Variants in LIN28B observed in about 807,000 individuals in gnomAD.
The protein encoded by LIN28B is lin-28 RNA binding posttranscriptional regulator B.
LIN28B carries 5 observed loss-of-function variants against 21.9 expected under a neutral mutation model. That is an observed-to-expected ratio of 0.23 (90% CI 0.12 to 0.48). LIN28B has a LOEUF of 0.48. Among genes scored for constraint, LIN28B ranks in the 20% least tolerant of loss-of-function variants. The probability of loss-of-function intolerance (pLI) is 0.98; values close to 1 mark genes in which losing one functional copy is unlikely to be tolerated. For synonymous variants in LIN28B, 109 were observed against 111.3 expected (o/e 0.98, Z 0.13); for missense variants, 245 against 310.5 (o/e 0.79, Z 1.58).
intron 2 of LIN28B, among the ~76,000 whole-genome samples, chr6:105,007,464 A>G (rs1770840806): frequency 6.6e-6 from 1 of 152,008 alleles, no homozygotes; most frequent in South Asian, 2.1e-4. Flanking sequence ...AAATGACCAG[A>G]TTCCTTTGCT....
chr6:104,941,653 G>A (rs1562557226), intron 2 of LIN28B, among the ~76,000 whole-genome samples: 1 of 152,052 alleles, frequency 6.6e-6, no homozygotes, highest in Non-Finnish European at 1.5e-5. Context: ...GTCGGGGATC[G>A]TTTTTGCTTT....
At chr6:105,028,433 A>G (rs776912917) in intron 3 of LIN28B, among the ~76,000 whole-genome samples, 2 of 152,208 alleles carry the variant, frequency 1.3e-5, no homozygotes, top group Non-Finnish European at 2.9e-5. Context: ...AGAAGTTCCA[A>G]TAATACAGAA....
intron 2 of LIN28B, among the ~76,000 whole-genome samples, chr6:104,963,769 G>A (rs1444842085): frequency 6.6e-6 from 1 of 152,120 alleles, no homozygotes; most frequent in Non-Finnish European, 1.5e-5. Flanking sequence ...GTTTATATTA[G>A]TGTTAGCCTT....
intron 2 of LIN28B, among the ~76,000 whole-genome samples, chr6:105,006,558 C>T (rs529682393): frequency 2.0e-5 from 3 of 152,284 alleles, no homozygotes; most frequent in South Asian, 4.2e-4. Context: ...TTGATCCACC[C>T]GTCTTGGCCT....
intron 3 of LIN28B, among the ~76,000 whole-genome samples, chr6:105,059,602 G>C (rs1772087290): frequency 6.6e-6 from 1 of 152,180 alleles, no homozygotes; most frequent in Non-Finnish European, 1.5e-5. Flanking sequence ...AAATTGATTA[G>C]ATAAAGGGAA....
At chr6:104,972,542 A>G (rs974981482) in intron 2 of LIN28B, among the ~76,000 whole-genome samples, 1 of 152,190 alleles carries the variant, frequency 6.6e-6, no homozygotes, top group Non-Finnish European at 1.5e-5. Context: ...TGTTTTGTCA[A>G]AAATACAAGG....
chr6:104,993,019 A>G (rs541849094), intron 2 of LIN28B, among the ~76,000 whole-genome samples: 1 of 152,260 alleles, frequency 6.6e-6, no homozygotes, highest in East Asian at 1.9e-4. Context: ...ATCAACCTTC[A>G]TACATGATTT....
At chr6:105,018,703 T>A (rs1467000904) in intron 2 of LIN28B, among the ~76,000 whole-genome samples, 1 of 152,186 alleles carries the variant, frequency 6.6e-6, no homozygotes, top group Non-Finnish European at 1.5e-5. Flanking sequence ...TTGACTCATG[T>A]ATTTGCTTCC....
intron 2 of LIN28B, among the ~76,000 whole-genome samples, chr6:105,014,373 G>A (rs1292059715): frequency 6.6e-6 from 1 of 152,196 alleles, no homozygotes; most frequent in Non-Finnish European, 1.5e-5. Flanking sequence ...AGGCTGGAGT[G>A]CAGTGGCGCA....
chr6:105,016,915 A>C (rs1419816847), intron 2 of LIN28B, among the ~76,000 whole-genome samples: 1 of 144,292 alleles, frequency 6.9e-6, no homozygotes, highest in Non-Finnish European at 1.5e-5. Flanking sequence ...ACAAAAAAAC[A>C]AAAAAAAAAC....
chr6:104,993,056 T>G (rs1374752780), intron 2 of LIN28B, among the ~76,000 whole-genome samples: 1 of 152,222 alleles, frequency 6.6e-6, no homozygotes, highest in Non-Finnish European at 1.5e-5. Flanking sequence ...GTTTCAGAAT[T>G]ATTTTCTTAC....
chr6:104,953,609 G>T (rs1322042985), upstream of LIN28B, among the ~76,000 whole-genome samples: 1 of 152,222 alleles, frequency 6.6e-6, no homozygotes, highest in Non-Finnish European at 1.5e-5. Context: ...AGATGGTAAA[G>T]TGACGAATAA....
At chr6:104,985,799 T>C (rs1181034288) in intron 2 of LIN28B, among the ~76,000 whole-genome samples, 1 of 152,190 alleles carries the variant, frequency 6.6e-6, no homozygotes. Flanking sequence ...CTATGGTCCA[T>C]ATACAGTTAA....
At chr6:105,064,218 G>T (rs901555997) in intron 3 of LIN28B, among the ~76,000 whole-genome samples, 10 of 152,190 alleles carry the variant, frequency 6.6e-5, no homozygotes, top group Non-Finnish European at 1.5e-4. Context: ...AAGTGTTAAA[G>T]AATTTATTGA....
intron 2 of LIN28B, among the ~76,000 whole-genome samples, chr6:105,003,905 G>A (rs1022618446): frequency 1.3e-5 from 2 of 152,112 alleles, no homozygotes; most frequent in Non-Finnish European, 2.9e-5. Flanking sequence ...TCTCTAGAGG[G>A]ACAACACTAA....
intron 3 of LIN28B, among the ~76,000 whole-genome samples, chr6:105,074,433 C>T (rs1772387000): frequency 6.6e-6 from 1 of 152,116 alleles, no homozygotes; most frequent in Non-Finnish European, 1.5e-5. Flanking sequence ...CTCCTGACCT[C>T]GTGATCTGCC....
At chr6:105,037,246 C>T (rs1021107257) in intron 3 of LIN28B, among the ~76,000 whole-genome samples, 2 of 152,092 alleles carry the variant, frequency 1.3e-5, no homozygotes, top group African/African-American at 4.8e-5. Context: ...AGTTCTGCAT[C>T]CCAAACCCCA....
chr6:104,970,720 G>T (rs986526328), intron 2 of LIN28B, among the ~76,000 whole-genome samples: 1 of 151,930 alleles, frequency 6.6e-6, no homozygotes, highest in Non-Finnish European at 1.5e-5. Context: ...GTGGTGGTTG[G>T]GAGACATTAG....
intron 2 of LIN28B, among the ~76,000 whole-genome samples, chr6:104,961,327 G>A (rs190845813): frequency 4.7e-4 from 71 of 152,070 alleles, no homozygotes; most frequent in African/African-American, 1.6e-3. Flanking sequence ...AGAATTTCTC[G>A]AGTAATACAA....
Sources: allele counts gnomAD v4.1 joint callset (sites outside exome capture counted in the v4.1 genomes callset), GRCh38; gene constraint gnomAD v4.1.1; transcripts MANE v1.5; gene names NCBI Gene and HGNC (gene_info 2026-07-23, HGNC 2026-07-21).